TOR3A: variants seen among roughly 807,000 people sequenced by gnomAD.
The protein encoded by TOR3A is torsin-3A.
TOR3A carries 44 observed loss-of-function variants against 42.1 expected under a neutral mutation model. The observed-to-expected ratio is 1.04, with a 90% CI of 0.82 to 1.34. The LOEUF is 1.34. TOR3A is among the 40% of genes most tolerant of loss of function. The probability of loss-of-function intolerance (pLI) is 0.00; values close to 1 mark genes in which losing one functional copy is unlikely to be tolerated. For synonymous variants in TOR3A, 227 were observed against 213.2 expected (o/e 1.06, Z -0.57); for missense variants, 521 against 507.6 (o/e 1.03, Z -0.25).
chr1:179,085,113 A>G (rs1415569821), intron 2 of TOR3A, among the ~76,000 whole-genome samples: 1 of 152,088 alleles, frequency 6.6e-6, no homozygotes, highest in Non-Finnish European at 1.5e-5. Flanking sequence ...TCCCATCTTG[A>G]TTTCCCAAAC....
At position 179,095,886 on chromosome 1, in the gene TOR3A, G is replaced by A; in HGVS notation, c.*668G>A. On this transcript the variant is annotated 3_prime_UTR_variant, in exon 6 of 6. Coordinates refer to ENST00000367627, the MANE Select transcript of TOR3A (RefSeq NM_022371.4). The stretch of plus-strand genomic sequence containing the variant: ...CAGGTCAGTGTAGGCCAAGACTTAT[G>A]GTCTACAGATTTTGGCGGGGGAGGG... 1.0e-6 allele frequency: 1 copy of A among 984,764 alleles called. No individual in the cohort carries two copies. 61.0% of individuals were successfully genotyped at this position (984,764 alleles called of 1,614,324 possible).
At position 179,083,024 on chromosome 1, in the gene TOR3A, G is replaced by A. The variant is rs781510668; in HGVS notation, c.344G>A (p.Gly115Glu). 1.3e-5 allele frequency: 20 copies of A among 1,570,552 alleles called. No homozygotes were observed. The highest frequency in any genetic ancestry group is 9.0e-5 in the East Asian group (4 of 44,320). ...YCSFKDCCPRGDCRISNNFTG... is the reference protein window; with the variant it reads ...YCSFKDCCPREDCRISNNFTG... ...AGCTTCAAAGACTGCTGCCCTAGAG[G>A]GGATTGCAGAATCTCCAACAACTTT... The change falls in exon 2 of 6, where the codon GGG becomes GAG. Residue 115 changes from glycine to glutamate, a missense_variant. By Grantham distance (98) the Gly-to-Glu change is moderately conservative. Transcript: ENST00000367627.
At chr1:179,086,623 G>A (rs1652443684) in intron 3 of TOR3A, among the ~76,000 whole-genome samples, 3 of 149,694 alleles carry the variant, frequency 2.0e-5, no homozygotes, top group Admixed American at 6.7e-5. Flanking sequence ...CCGAGATCGT[G>A]CCGCTGCACT....
chr1:179,082,171 C>T lies in TOR3A; in HGVS notation c.43C>T (p.Leu15=), dbSNP rs537953696. The change falls in exon 1 of 6, where the codon CTG becomes TTG. Residue 15 remains leucine, a synonymous_variant. Coordinates refer to ENST00000367627, the MANE Select transcript of TOR3A (RefSeq NM_022371.4). ...PWRQLWLFFL[L]LLPGAPEPRG... ...GCGCCAGCTTTGGCTCTTTTTCCTGCTGCTGCTCCCGGGCGCGCCTGAGCC... is the reference window on the plus strand; with the variant it reads ...GCGCCAGCTTTGGCTCTTTTTCCTGTTGCTGCTCCCGGGCGCGCCTGAGCC... The T allele has an allele frequency of 1.3e-6, 2 of 1,509,216 alleles. No individual in the cohort carries two copies. Among genetic ancestry groups the T allele is most frequent in the East Asian group, 5.3e-5 (2 of 37,560 alleles). The allele number at this position is 1,509,216 out of a possible 1,614,324, so 93.5% of individuals were successfully genotyped here.
chr1:179,090,814 C>G (rs950311105), intron 4 of TOR3A, among the ~76,000 whole-genome samples: 1 of 152,178 alleles, frequency 6.6e-6, no homozygotes, highest in Admixed American at 6.5e-5. Context: ...ACTCTGCGAT[C>G]GGAGCTGCTG....
At chr1:179,089,265 G>A (rs1652515725) in intron 4 of TOR3A, among the ~76,000 whole-genome samples, 1 of 151,040 alleles carries the variant, frequency 6.6e-6, no homozygotes, top group South Asian at 2.1e-4. Flanking sequence ...AGGTTGCAGT[G>A]AGCTGAGATC....
chr1:179,088,085 C>G lies in TOR3A; in HGVS notation c.814C>G (p.Leu272Val). Residue 272 changes from leucine to valine, a missense_variant, in exon 4 of 6, where the codon CTC becomes GTC. Physicochemically the swap from Leu to Val is conservative, Grantham distance 32. Coordinates refer to ENST00000367627, the MANE Select transcript of TOR3A (RefSeq NM_022371.4). Reference sequence around the variant, plus strand: ...GTCTCCATGGACTATCTTTCTGTTTCTCAGGTGGGTTCTGGGGAACAATAG... The same window carrying G: ...GTCTCCATGGACTATCTTTCTGTTTGTCAGGTGGGTTCTGGGGAACAATAG... ...AESPWTIFLF[L>V]SNLRGDIINE... 6.3e-7 allele frequency: 1 copy of G among 1,585,648 alleles called. No homozygotes were observed. The highest frequency in any genetic ancestry group is 8.6e-7 in the Non-Finnish European group (1 of 1,167,698).
chr1:179,095,541 T>C lies in TOR3A; in HGVS notation c.*323T>C, dbSNP rs980773576. On this transcript the variant is annotated 3_prime_UTR_variant, in exon 6 of 6. Coordinates refer to ENST00000367627, the MANE Select transcript of TOR3A (RefSeq NM_022371.4). ...ATGTGGTTGAAGAAAGTGGGCCAGG[T>C]GGTTGAAGAAAGCCATGTGGGAGCT... is the stretch of plus-strand genomic sequence containing the variant. 2.7e-5 allele frequency: 32 copies of C among 1,181,578 alleles called. 1 individual carries two copies. In the South Asian group the frequency reaches 4.2e-4, roughly 16 times the overall value. 73.2% of individuals were successfully genotyped at this position (1,181,578 alleles called of 1,614,324 possible).
At chr1:179,085,338 C>G (rs1362737531) in intron 2 of TOR3A, 3 of 320,670 alleles carry the variant, frequency 9.4e-6, no homozygotes, top group East Asian at 1.2e-4. Flanking sequence ...GCAGGAGAAT[C>G]GCTTGAACCA....
chr1:179,093,838 C>T (rs1652660508), intron 4 of TOR3A, among the ~76,000 whole-genome samples: 1 of 152,168 alleles, frequency 6.6e-6, no homozygotes, highest in African/African-American at 2.4e-5. Context: ...TTTTCATGCT[C>T]CCTGCACTTA....
At chr1:179,092,482 T>C (rs34620628) in intron 4 of TOR3A, among the ~76,000 whole-genome samples, 1 of 152,098 alleles carries the variant, frequency 6.6e-6, no homozygotes, top group African/African-American at 2.4e-5. Flanking sequence ...CCCAACACTT[T>C]GGGAGACTGA....
chr1:179,087,046 GC>G (rs1407065460), intron 3 of TOR3A, among the ~76,000 whole-genome samples: 1 of 152,196 alleles, frequency 6.6e-6, no homozygotes, highest in African/African-American at 2.4e-5. Context: ...GACTGCTGCA[GC>G]CCCAGCTTCC....
In TOR3A at chr1:179,095,209, C is replaced by G; in HGVS notation, c.1185C>G (p.Phe395Leu). The change falls in exon 6 of 6, where the codon TTC becomes TTG. Residue 395 changes from phenylalanine to leucine, a missense_variant. Phe to Leu is a conservative substitution (Grantham distance 22). Transcript: ENST00000367627. ...CKSISQRINY[F>L]LS is the part of the protein sequence containing the mutation. ...CTATTTCCCAGAGGATTAACTACTT[C>G]CTGTCATGAAGGCTAGAGGAAGACT... The G allele has an allele frequency of 6.2e-7, 1 of 1,613,872 alleles. No homozygotes were observed. The highest frequency in any genetic ancestry group is 1.3e-5 in the African/African-American group (1 of 75,026).
At chr1:179,084,393 AT>A (rs1373923824) in intron 2 of TOR3A, among the ~76,000 whole-genome samples, 2 of 151,822 alleles carry the variant, frequency 1.3e-5, no homozygotes, top group Non-Finnish European at 2.9e-5. Context: ...TGCCCAGCTA[AT>A]TTTTGTATTT....
At chr1:179,085,375 G>A (rs1652399866) in intron 2 of TOR3A, 1 of 433,566 alleles carries the variant, frequency 2.3e-6, no homozygotes, top group South Asian at 2.8e-5. Context: ...AGTGAGCTGA[G>A]ATTGCGCCAC....
rs755436735 is a variant in TOR3A at position 179,088,119 on chromosome 1, G to A, written c.818+30G>A. On this transcript the variant is annotated intron_variant, in intron 4 of 5. Coordinates refer to ENST00000367627, the MANE Select transcript of TOR3A (RefSeq NM_022371.4). The stretch of plus-strand genomic sequence containing the variant: ...GTTCTGGGGAACAATAGTCAGGAGG[G>A]CTGGGGGAGGGGAAGATACTAGCTG... 5.9e-6 allele frequency: 9 copies of A among 1,526,752 alleles called. 1 individual carries two copies. Among genetic ancestry groups the A allele is most frequent in the Admixed American group, 4.3e-5 (2 of 46,612 alleles). 94.6% of individuals were successfully genotyped at this position (1,526,752 alleles called of 1,614,324 possible). A position where few individuals can be genotyped will look rare whatever the true frequency, so the allele number is the denominator to read the frequency against.
chr1:179,084,478 C>T (rs934860469), intron 2 of TOR3A, among the ~76,000 whole-genome samples: 1 of 152,168 alleles, frequency 6.6e-6, no homozygotes, highest in Non-Finnish European at 1.5e-5. Flanking sequence ...CCCGCCTCAG[C>T]CTCCCCAAGT....
At position 179,094,131 on chromosome 1, in the gene TOR3A, A is replaced by C; in HGVS notation, c.857A>C (p.Lys286Thr). The C allele has an allele frequency of 1.2e-6, 2 of 1,614,104 alleles. No individual in the cohort carries two copies. The highest frequency in any genetic ancestry group is 1.7e-6 in the Non-Finnish European group (2 of 1,179,982). ...GATATAATCAATGAGGTGGTCCTAA[A>C]GTTGCTCAAGGCTGGATGGTCCCGG... ...RGDIINEVVL[K>T]LLKAGWSREE... Residue 286 changes from lysine to threonine, a missense_variant, in exon 5 of 6, where the codon AAG becomes ACG. By Grantham distance (78) the Lys-to-Thr change is moderately conservative (BLOSUM62 -1). Coordinates refer to ENST00000367627, the MANE Select transcript of TOR3A (RefSeq NM_022371.4).
At chr1:179,089,236 A>G (rs1229634765) in intron 4 of TOR3A, among the ~76,000 whole-genome samples, 1 of 151,168 alleles carries the variant, frequency 6.6e-6, no homozygotes, top group East Asian at 2.0e-4. Flanking sequence ...CAGGAGAATC[A>G]CTTGAACCTG....
Sources: gnomAD v4.1 joint callset for allele counts (sites outside exome capture counted in the v4.1 genomes callset) on GRCh38, gnomAD v4.1.1 for gene constraint, MANE v1.5 for transcripts, NCBI Gene and HGNC (gene_info 2026-07-23, HGNC 2026-07-21) for gene names.